DNAH8: variants seen among roughly 807,000 people sequenced by gnomAD.
DNAH8 encodes the protein axonemal beta dynein heavy chain 8.
In DNAH8, 382 loss-of-function variants were observed where a neutral mutation model predicts 562.1. The ratio of observed to expected loss-of-function variants is 0.68; its 90% CI spans 0.63 to 0.74. DNAH8 has a LOEUF of 0.74. Ranked by LOEUF, DNAH8 falls within the 30% of genes least tolerant of loss-of-function variation. The pLI, the probability that DNAH8 is intolerant of heterozygous loss-of-function variation, is 0.00. For missense variants in DNAH8, 5,203 were observed against 5,620.4 expected (o/e 0.93, Z 2.37); for synonymous variants, 1,881 against 1,919.4 (o/e 0.98, Z 0.52).
chr6:38,962,724 A>G (rs939662280), intron 82 of DNAH8, among the ~76,000 whole-genome samples: 2 of 152,218 alleles, frequency 1.3e-5, no homozygotes, highest in African/African-American at 4.8e-5. Flanking sequence ...TTTCTTAATC[A>G]TAATACCTGA....
At chr6:38,732,614 T>C (rs1049556226) in intron 4 of DNAH8, among the ~76,000 whole-genome samples, 1 of 152,182 alleles carries the variant, frequency 6.6e-6, no homozygotes, top group Non-Finnish European at 1.5e-5. Context: ...AGGACAAGAA[T>C]AGAGCATTTC....
At chr6:38,827,862 T>A (rs1317974365) in intron 29 of DNAH8, among the ~76,000 whole-genome samples, 1 of 150,156 alleles carries the variant, frequency 6.7e-6, no homozygotes, top group Non-Finnish European at 1.5e-5. Flanking sequence ...ATTCTGTTCC[T>A]TGTATAGTCA....
At chr6:38,993,408 T>C (rs141897791) in intron 88 of DNAH8, among the ~76,000 whole-genome samples, 1 of 151,418 alleles carries the variant, frequency 6.6e-6, no homozygotes, top group African/African-American at 2.4e-5. Flanking sequence ...TATATAGTTA[T>C]GTTTATTTGT....
chr6:38,872,385 C>T (rs560310909), intron 49 of DNAH8, 151 bp from the exon 50 acceptor site: 72 of 765,314 alleles, frequency 9.4e-5, no homozygotes, highest in Admixed American at 2.3e-4. Context: ...CTATGCACAT[C>T]TAGTAAAACA....
At chr6:38,993,949 G>A (rs1764960993) in intron 88 of DNAH8, among the ~76,000 whole-genome samples, 1 of 152,150 alleles carries the variant, frequency 6.6e-6, no homozygotes, top group African/African-American at 2.4e-5. Flanking sequence ...TGTTATGGGT[G>A]GGATTGCTAG....
chr6:38,926,208 CA>C lies in DNAH8; in HGVS notation c.11117del (p.Gln3706ArgfsTer2). The C allele has an allele frequency of 6.2e-7, 1 of 1,613,202 alleles. No individual in the cohort carries two copies. Among genetic ancestry groups the C allele is most frequent in the Non-Finnish European group, 8.5e-7 (1 of 1,179,524 alleles). On this transcript the variant is annotated frameshift_variant and splice_region_variant, in exon 74 of 93. Transcript: ENST00000327475. LOFTEE classifies it high-confidence loss of function. ...ATCAAAGGAAAAAGAAAATGATTTA[CA>C]GGTATGTAGCATTTGGTGCAGGGGA... ...IKSKEKENDLQVTSLNHKYFR... is the reference protein window; with the variant it reads ...IKSKEKENDLXVTSLNHKYFR...
intron 42 of DNAH8, among the ~76,000 whole-genome samples, chr6:38,859,704 G>C (rs184699833): frequency 1.1e-3 from 166 of 152,318 alleles, no homozygotes; most frequent in African/African-American, 3.8e-3. Flanking sequence ...GAACAGACCA[G>C]GTACTAGAGC....
rs1471094722 is a variant in DNAH8 at position 38,899,785 on chromosome 6, A to G, written c.9073A>G (p.Ile3025Val). ...AMTHLIKISRIIRTSCGNALL... is the reference protein window; with the variant it reads ...AMTHLIKISRVIRTSCGNALL... ...TTAAATCTCAAAACAGATTTCACGA[A>G]TAATTCGAACGTCGTGTGGAAATGC... Residue 3025 changes from isoleucine to valine, a missense_variant, in exon 62 of 93, where the codon ATA becomes GTA. By Grantham distance (29) the Ile-to-Val change is conservative (BLOSUM62 3). Around this residue, in one of 6 missense-constraint regions of DNAH8, gnomAD observed 977 missense variants for 1,061.8 expected, o/e 0.92. Transcript: ENST00000327475. The G allele has an allele frequency of 1.2e-6, 2 of 1,613,686 alleles. No homozygotes were observed. Among genetic ancestry groups the G allele is most frequent in the Non-Finnish European group, 1.7e-6 (2 of 1,179,800 alleles).
chr6:38,923,406 G>A (rs1781870576), intron 72 of DNAH8: 2 of 432,346 alleles, frequency 4.6e-6, no homozygotes, highest in Non-Finnish European at 8.0e-6. Flanking sequence ...GTATGAGAGT[G>A]CTTTTGATAT....
intron 82 of DNAH8, among the ~76,000 whole-genome samples, chr6:38,952,687 T>G (rs1320697115): frequency 1.3e-5 from 2 of 152,222 alleles, no homozygotes; most frequent in East Asian, 3.8e-4. Context: ...TCATGTTCTC[T>G]TTTCTCATCT....
intron 64 of DNAH8, among the ~76,000 whole-genome samples, chr6:38,909,101 A>T (rs1042734646): frequency 6.6e-6 from 1 of 152,166 alleles, no homozygotes; most frequent in African/African-American, 2.4e-5. Context: ...CAAGGAACTC[A>T]ATCCCTCTTC....
intron 82 of DNAH8, 75 bp from the exon 83 acceptor site, chr6:38,971,517 C>A: frequency 3.3e-6 from 3 of 902,444 alleles, no homozygotes; most frequent in Non-Finnish European, 3.2e-6. Context: ...TATAATCATT[C>A]AGAAATTAAT....
intron 80 of DNAH8, among the ~76,000 whole-genome samples, chr6:38,947,006 A>G (rs1761483808): frequency 6.6e-6 from 1 of 152,210 alleles, no homozygotes; most frequent in Non-Finnish European, 1.5e-5. Flanking sequence ...AGTAGCTATT[A>G]CTGCTTACTA....
At position 38,838,092 on chromosome 6, in the gene DNAH8, C is replaced by G. The variant is rs1258399404; in HGVS notation, c.4466+50C>G. On this transcript the variant is annotated intron_variant, in intron 33 of 92. Transcript: ENST00000327475. ...TTACATGCAAATAATTAAATACTATCTATTAGAAGAATCATGTCACCATTA... is the reference window on the plus strand; with the variant it reads ...TTACATGCAAATAATTAAATACTATGTATTAGAAGAATCATGTCACCATTA... The G allele has an allele frequency of 7.7e-6, 9 of 1,167,382 alleles. No homozygotes were observed. The Admixed American group carries it at 1.7e-4, about 23-fold the overall frequency. The allele number at this position is 1,167,382 out of a possible 1,614,324, so 72.3% of individuals were successfully genotyped here. A position where few individuals can be genotyped will look rare whatever the true frequency, so the allele number is the denominator to read the frequency against.
At chr6:38,715,954 A>ATTTTT (rs1410399802) in intron 1 of DNAH8, among the ~76,000 whole-genome samples, 3 of 37,526 alleles carry the variant, frequency 8.0e-5, no homozygotes, top group African/African-American at 5.1e-4. Flanking sequence ...ATATATATAT[A>ATTTTT]TATATATTTT....
At chr6:38,719,938 A>G (rs1762617926) in intron 1 of DNAH8, among the ~76,000 whole-genome samples, 1 of 152,230 alleles carries the variant, frequency 6.6e-6, no homozygotes, top group African/African-American at 2.4e-5. Context: ...AAACAAATAC[A>G]CAATGTTAAG....
At chr6:38,969,710 G>C (rs1301898911) in intron 82 of DNAH8, among the ~76,000 whole-genome samples, 7 of 145,734 alleles carry the variant, frequency 4.8e-5, no homozygotes, top group South Asian at 2.4e-4. Context: ...GGTGTGTGTG[G>C]GGGGGAGTGG....
rs753771941 is a variant in DNAH8, at chr6:38,909,611, C to G, written c.9607C>G (p.Leu3203Val). 4 of 1,614,014 alleles carry G rather than the reference C, an allele frequency of 2.5e-6. No homozygotes were observed. The African/African-American group carries it at 4.0e-5, about 16-fold the overall frequency. Residue 3203 changes from leucine to valine, a missense_variant, in exon 65 of 93, where the codon CTG (leucine) becomes GTG (valine). Physicochemically the swap from Leu to Val is conservative, Grantham distance 32. Around this residue, in one of 6 missense-constraint regions of DNAH8, gnomAD observed 977 missense variants for 1,061.8 expected, o/e 0.92. Transcript: ENST00000327475. Reference protein sequence around the residue: ...DWFSRWPREALIAVASYFLSD... With the variant: ...DWFSRWPREAVIAVASYFLSD... ...GTTCAGCCGCTGGCCAAGGGAGGCTCTGATTGCTGTGGCCTCCTACTTCCT... is the reference window on the plus strand; with the variant it reads ...GTTCAGCCGCTGGCCAAGGGAGGCTGTGATTGCTGTGGCCTCCTACTTCCT...
chr6:38,895,465 A>T (rs190426816), intron 59 of DNAH8, among the ~76,000 whole-genome samples: 1 of 152,284 alleles, frequency 6.6e-6, no homozygotes, highest in Admixed American at 6.5e-5. Flanking sequence ...ATTTTCTACA[A>T]ATTTTGTGAG....
Sources: gnomAD v4.1 joint callset for allele counts (sites outside exome capture counted in the v4.1 genomes callset) on GRCh38, gnomAD v4.1.1 for gene constraint, gnomAD v4.1.1 regional missense constraint, MANE v1.5 for transcripts, NCBI Gene and HGNC (gene_info 2026-07-23, HGNC 2026-07-21) for gene names.